Variants in EHBP1 observed in about 807,000 individuals in gnomAD.
The protein encoded by EHBP1 is EH domain-binding protein 1.
Under a neutral mutation model 144.0 loss-of-function variants are expected in EHBP1, and 55 were observed. The ratio of observed to expected loss-of-function variants is 0.38; its 90% CI spans 0.31 to 0.48. The LOEUF is 0.48. EHBP1 is among the 20% of genes least tolerant of loss of function. The probability of loss-of-function intolerance (pLI) is 0.98; values close to 1 mark genes in which losing one functional copy is unlikely to be tolerated. For missense variants in EHBP1, 1,200 were observed against 1,364.2 expected (o/e 0.88, Z 1.90); for synonymous variants, 469 against 472.7 (o/e 0.99, Z 0.10).
At chr2:62,902,000 A>C (rs922597145) in intron 10 of EHBP1, among the ~76,000 whole-genome samples, 2 of 152,220 alleles carry the variant, frequency 1.3e-5, no homozygotes, top group African/African-American at 4.8e-5. Flanking sequence ...ATGTACTACC[A>C]AGTATCAAGA....
chr2:62,957,214 T>C (rs1261351520), intron 14 of EHBP1, among the ~76,000 whole-genome samples: 1 of 152,122 alleles, frequency 6.6e-6, no homozygotes, highest in Non-Finnish European at 1.5e-5. Context: ...AGCAATGTAA[T>C]TGACAACATT....
intron 10 of EHBP1, among the ~76,000 whole-genome samples, chr2:62,893,888 A>T (rs2052661002): frequency 6.6e-6 from 1 of 152,140 alleles, no homozygotes. Context: ...CACTACAAAT[A>T]CAAAAAATTA....
At chr2:62,814,590 AG>A (rs2045302066) in intron 5 of EHBP1, among the ~76,000 whole-genome samples, 1 of 152,212 alleles carries the variant, frequency 6.6e-6, no homozygotes, top group Non-Finnish European at 1.5e-5. Context: ...CTGATGGATA[AG>A]GGCATGAACA....
intron 5 of EHBP1, among the ~76,000 whole-genome samples, chr2:62,796,804 C>T (rs1385817693): frequency 2.0e-5 from 3 of 151,158 alleles, no homozygotes; most frequent in Non-Finnish European, 2.9e-5. Context: ...TTATCTTAAA[C>T]ACCTCTTTCC....
chr2:63,028,205 T>C (rs991444371), intron 19 of EHBP1, among the ~76,000 whole-genome samples: 1 of 152,204 alleles, frequency 6.6e-6, no homozygotes, highest in African/African-American at 2.4e-5. Context: ...TTTCAAAACA[T>C]GGACATGATA....
At chr2:62,720,945 C>G (rs1335567114) in intron 2 of EHBP1, among the ~76,000 whole-genome samples, 3 of 152,076 alleles carry the variant, frequency 2.0e-5, no homozygotes, top group African/African-American at 7.2e-5. Flanking sequence ...CATCACCCAG[C>G]TTTTTTTGGG....
intron 10 of EHBP1, among the ~76,000 whole-genome samples, chr2:62,876,263 A>G (rs1218306934): frequency 6.6e-6 from 1 of 152,230 alleles, no homozygotes; most frequent in African/African-American, 2.4e-5. Flanking sequence ...GAACTCCACC[A>G]GGCTAACCAC....
intron 5 of EHBP1, among the ~76,000 whole-genome samples, chr2:62,813,660 C>T (rs1360231153): frequency 6.6e-6 from 1 of 152,166 alleles, no homozygotes; most frequent in Admixed American, 6.5e-5. Flanking sequence ...GAGGCCTATC[C>T]CTGTGGCTTT....
At chr2:63,007,347 A>G (rs922160756) in intron 19 of EHBP1, among the ~76,000 whole-genome samples, 1 of 151,818 alleles carries the variant, frequency 6.6e-6, no homozygotes, top group Non-Finnish European at 1.5e-5. Context: ...AACTTTTATA[A>G]AAATTTAGCA....
At chr2:62,758,571 G>A (rs1370682383) in intron 3 of EHBP1, among the ~76,000 whole-genome samples, 3 of 152,170 alleles carry the variant, frequency 2.0e-5, no homozygotes, top group African/African-American at 7.2e-5. Context: ...TACAATATGT[G>A]ACAGTATTGG....
intron 10 of EHBP1, chr2:62,940,084 G>T: frequency 2.3e-6 from 1 of 434,584 alleles, no homozygotes; most frequent in Non-Finnish European, 4.6e-6. Context: ...AAAGTGAAAG[G>T]ACCAGTTGGG....
intron 5 of EHBP1, among the ~76,000 whole-genome samples, chr2:62,820,532 C>T (rs1376052398): frequency 6.6e-6 from 1 of 151,392 alleles, no homozygotes; most frequent in Non-Finnish European, 1.5e-5. Context: ...CAACCCTTTC[C>T]CCAGCACCTG....
At chr2:62,696,496 C>CT (rs1236124755) in intron 1 of EHBP1, among the ~76,000 whole-genome samples, 43 of 123,134 alleles carry the variant, frequency 3.5e-4, no homozygotes, top group African/African-American at 1.1e-3. Flanking sequence ...CTTTTCTTTT[C>CT]TTTTTTTTCT....
At chr2:62,999,929 T>A (rs1002057531) in intron 19 of EHBP1, among the ~76,000 whole-genome samples, 6 of 152,208 alleles carry the variant, frequency 3.9e-5, no homozygotes, top group Non-Finnish European at 8.8e-5. Context: ...AGAAACACTG[T>A]TGTAAGTGTC....
chr2:62,922,353 A>T (rs181461241), intron 10 of EHBP1, among the ~76,000 whole-genome samples: 88 of 152,286 alleles, frequency 5.8e-4, no homozygotes, highest in Non-Finnish European at 9.8e-4. Context: ...CATGTTGTTC[A>T]AGAGTCATCT....
chr2:63,009,372 A>T (rs2060179456), intron 19 of EHBP1, among the ~76,000 whole-genome samples: 1 of 151,566 alleles, frequency 6.6e-6, no homozygotes, highest in Admixed American at 6.6e-5. Flanking sequence ...AACTTTTCTT[A>T]GCTGAACATT....
chr2:62,799,302 T>C (rs2043806221), intron 5 of EHBP1, among the ~76,000 whole-genome samples: 1 of 152,246 alleles, frequency 6.6e-6, no homozygotes, highest in Non-Finnish European at 1.5e-5. Flanking sequence ...CAGTATTTGC[T>C]GATTTTTATC....
intron 19 of EHBP1, among the ~76,000 whole-genome samples, chr2:63,021,170 G>T (rs1055524916): frequency 6.6e-6 from 1 of 151,160 alleles, no homozygotes; most frequent in African/African-American, 2.4e-5. Flanking sequence ...TACACATCTC[G>T]TTCTATCATA....
intron 13 of EHBP1, among the ~76,000 whole-genome samples, chr2:62,949,589 T>C (rs968522151): frequency 1.3e-5 from 2 of 152,220 alleles, no homozygotes; most frequent in Non-Finnish European, 2.9e-5. Flanking sequence ...TATTCTACTA[T>C]AAAATAAATC....
Sources: gnomAD v4.1 joint callset for allele counts (sites outside exome capture counted in the v4.1 genomes callset) on GRCh38, gnomAD v4.1.1 for gene constraint, MANE v1.5 for transcripts, NCBI Gene and HGNC (gene_info 2026-07-23, HGNC 2026-07-21) for gene names.